The following KCNN2 variants were observed in gnomAD, a reference collection of about 807,000 sequenced individuals.
KCNN2 encodes small conductance calcium-activated potassium channel protein 2.
Under a neutral mutation model 55.5 loss-of-function variants are expected in KCNN2, and 24 were observed. The ratio of observed to expected loss-of-function variants is 0.43; its 90% CI spans 0.31 to 0.61. KCNN2 has a LOEUF of 0.61. Among genes scored for constraint, KCNN2 ranks in the 20% least tolerant of loss-of-function variants. KCNN2 has a pLI of 0.08. For missense variants in KCNN2, 754 were observed against 853.6 expected (o/e 0.88, Z 1.45); for synonymous variants, 431 against 336.1 (o/e 1.28, Z -3.09).
intron 1 of KCNN2, among the ~76,000 whole-genome samples, chr5:114,194,205 G>C (rs563989795): frequency 2.6e-5 from 4 of 152,038 alleles, no homozygotes; most frequent in African/African-American, 7.2e-5. Context: ...ATTTCTCTTG[G>C]CTTGATATCT....
chr5:114,405,203 G>A (rs1273408442), intron 3 of KCNN2, among the ~76,000 whole-genome samples: 1 of 152,200 alleles, frequency 6.6e-6, no homozygotes, highest in African/African-American at 2.4e-5. Flanking sequence ...GATTGCTTAT[G>A]AGCGTTGTTT....
intron 3 of KCNN2, among the ~76,000 whole-genome samples, chr5:114,419,664 C>T (rs1759416507): frequency 6.6e-6 from 1 of 152,146 alleles, no homozygotes; most frequent in African/African-American, 2.4e-5. Context: ...TAGCTAGATG[C>T]ATAAGTAATT....
At chr5:114,212,131 T>A (rs1346701613) in intron 1 of KCNN2, among the ~76,000 whole-genome samples, 1 of 152,010 alleles carries the variant, frequency 6.6e-6, no homozygotes, top group African/African-American at 2.4e-5. Flanking sequence ...CTTAAAAATT[T>A]TTTGTCAGCT....
chr5:114,442,896 TGCATGAGCATGG>T (rs1349520371), intron 3 of KCNN2, among the ~76,000 whole-genome samples: 88 of 152,276 alleles, frequency 5.8e-4, no homozygotes, highest in African/African-American at 2.0e-3. Flanking sequence ...AAGAACATAG[TGCATGAGCATGG>T]TCAGAAGGGT....
chr5:114,396,448 A>C (rs1340999094), intron 2 of KCNN2, among the ~76,000 whole-genome samples: 1 of 152,104 alleles, frequency 6.6e-6, no homozygotes, highest in East Asian at 1.9e-4. Flanking sequence ...TTTTGGTTCA[A>C]GGGTACATGT....
At chr5:114,288,067 C>T (rs1755791810) in intron 2 of KCNN2, among the ~76,000 whole-genome samples, 1 of 152,158 alleles carries the variant, frequency 6.6e-6, no homozygotes, top group Non-Finnish European at 1.5e-5. Flanking sequence ...TTCTGTCATT[C>T]TGGATATTTC....
At chr5:114,266,542 C>T (rs1755210540) in intron 2 of KCNN2, among the ~76,000 whole-genome samples, 1 of 152,072 alleles carries the variant, frequency 6.6e-6, no homozygotes, top group Non-Finnish European at 1.5e-5. Flanking sequence ...TATCTGTTAC[C>T]TCTGGACCAG....
At chr5:114,202,187 G>A (rs115711632) in intron 1 of KCNN2, among the ~76,000 whole-genome samples, 381 of 152,198 alleles carry the variant, frequency 2.5e-3, no homozygotes, top group African/African-American at 8.8e-3. Context: ...AGGGTTGGAT[G>A]CCTGTGGGAT....
intron 1 of KCNN2, among the ~76,000 whole-genome samples, chr5:114,221,213 C>T (rs954406514): frequency 9.2e-5 from 14 of 152,106 alleles, no homozygotes; most frequent in African/African-American, 3.1e-4. Flanking sequence ...TTGTACAGGG[C>T]AAGAATTACA....
intron 6 of KCNN2, among the ~76,000 whole-genome samples, chr5:114,489,264 T>C (rs1455700247): frequency 6.6e-6 from 1 of 152,116 alleles, no homozygotes; most frequent in Non-Finnish European, 1.5e-5. Flanking sequence ...CTTTCAACTT[T>C]GCCGTTAGGT....
chr5:114,382,976 G>C (rs1207285049), intron 2 of KCNN2, among the ~76,000 whole-genome samples: 2 of 152,208 alleles, frequency 1.3e-5, no homozygotes, highest in Non-Finnish European at 2.9e-5. Context: ...AGCAGATGAA[G>C]TTAATAGAAC....
In KCNN2 at chr5:114,130,965, A is replaced by G. The variant is rs142495638; in HGVS notation, c.-271+74465A>G. 2.6e-4 allele frequency among the ~76,000 whole-genome samples: 39 copies of G among 152,344 alleles called. No individual in the cohort carries two copies. In the East Asian group the frequency reaches 4.8e-3, roughly 19 times the overall value. The stretch of plus-strand genomic sequence containing the variant: ...CTGAGTCTGGGACAAACTTCAAACT[A>G]TGGTAAATGAGCAAACACTTTTCTG... On this transcript the variant is annotated intron_variant, in intron 1 of 10. Transcript: ENST00000512097.
chr5:114,461,443 C>A (rs572527010), intron 3 of KCNN2, among the ~76,000 whole-genome samples: 1 of 152,252 alleles, frequency 6.6e-6, no homozygotes, highest in East Asian at 1.9e-4. Context: ...TGTTCACATG[C>A]CCTTCCCTTT....
At chr5:114,088,764 C>T (rs770100768) in intron 1 of KCNN2, among the ~76,000 whole-genome samples, 23 of 151,914 alleles carry the variant, frequency 1.5e-4, no homozygotes, top group African/African-American at 4.4e-4. Flanking sequence ...AGATTCTAGG[C>T]GTCTGCCACC....
At chr5:114,392,120 T>A (rs577083010) in intron 2 of KCNN2, among the ~76,000 whole-genome samples, 1 of 152,320 alleles carries the variant, frequency 6.6e-6, no homozygotes, top group Non-Finnish European at 1.5e-5. Flanking sequence ...ATTTCTGTAG[T>A]GCAGATAGGC....
At chr5:114,238,486 C>T (rs989844446) in intron 2 of KCNN2, among the ~76,000 whole-genome samples, 6 of 151,856 alleles carry the variant, frequency 4.0e-5, no homozygotes, top group Non-Finnish European at 5.9e-5. Flanking sequence ...ATTAGCTGGG[C>T]GTGGCAGCAG....
At chr5:114,097,793 T>C (rs918430684) in intron 1 of KCNN2, among the ~76,000 whole-genome samples, 1 of 152,142 alleles carries the variant, frequency 6.6e-6, no homozygotes, top group Non-Finnish European at 1.5e-5. Context: ...GAGCTGCCAT[T>C]GGTAAGCACC....
At chr5:114,420,496 C>G (rs1168958861) in intron 3 of KCNN2, among the ~76,000 whole-genome samples, 1 of 152,144 alleles carries the variant, frequency 6.6e-6, no homozygotes, top group Non-Finnish European at 1.5e-5. Context: ...AGAAATTGAC[C>G]AGCAAAAGAT....
intron 2 of KCNN2, among the ~76,000 whole-genome samples, chr5:114,375,143 G>A (rs910918565): frequency 3.9e-5 from 6 of 152,078 alleles, no homozygotes; most frequent in African/African-American, 1.4e-4. Flanking sequence ...AATTGCATGG[G>A]TGCTATTTCA....
Sources: gnomAD v4.1 joint callset for allele counts (sites outside exome capture counted in the v4.1 genomes callset) on GRCh38, gnomAD v4.1.1 for gene constraint, MANE v1.5 for transcripts, NCBI Gene and HGNC (gene_info 2026-07-23, HGNC 2026-07-21) for gene names.